The following ZFAND3 variants were observed in gnomAD, a reference collection of about 807,000 sequenced individuals.
ZFAND3 encodes AN1-type zinc finger protein 3.
ZFAND3 carries 10 observed loss-of-function variants against 29.6 expected under a neutral mutation model. That is an observed-to-expected ratio of 0.34 (90% confidence interval 0.21 to 0.57). ZFAND3 has a LOEUF of 0.57. Among genes scored for constraint, ZFAND3 ranks in the 20% least tolerant of loss-of-function variants. The probability of loss-of-function intolerance (pLI) is 0.86; values close to 1 mark genes in which losing one functional copy is unlikely to be tolerated. For missense variants in ZFAND3, 230 were observed against 304.5 expected (o/e 0.76, Z 1.82); for synonymous variants, 128 against 112.6 (o/e 1.14, Z -0.87).
chr6:38,148,784 A>C (rs1193585569), intron 5 of ZFAND3, among the ~76,000 whole-genome samples: 1 of 152,118 alleles, frequency 6.6e-6, no homozygotes, highest in African/African-American at 2.4e-5. Flanking sequence ...CTGACACCAA[A>C]ATGCATTTCA....
At chr6:37,929,048 C>A (rs186337897) in intron 1 of ZFAND3, among the ~76,000 whole-genome samples, 1 of 152,134 alleles carries the variant, frequency 6.6e-6, no homozygotes, top group African/African-American at 2.4e-5. Context: ...TTGAATAATG[C>A]CTTGGCAGAG....
chr6:38,120,008 T>C (rs1765498692), intron 5 of ZFAND3, among the ~76,000 whole-genome samples: 1 of 152,200 alleles, frequency 6.6e-6, no homozygotes, highest in East Asian at 1.9e-4. Context: ...CTGTGAAATC[T>C]TTCAGGGTGC....
At chr6:37,920,359 A>T (rs1761355565) in intron 1 of ZFAND3, among the ~76,000 whole-genome samples, 1 of 148,632 alleles carries the variant, frequency 6.7e-6, no homozygotes, top group Non-Finnish European at 1.5e-5. Context: ...ATATATTTTA[A>T]TTTTTCTTGT....
chr6:38,092,102 C>G (rs1764885048), intron 4 of ZFAND3, among the ~76,000 whole-genome samples: 1 of 152,098 alleles, frequency 6.6e-6, no homozygotes, highest in Non-Finnish European at 1.5e-5. Flanking sequence ...TCCAAGGCAC[C>G]CCCCTCGAGA....
At chr6:37,852,085 A>G (rs1228219083) in intron 1 of ZFAND3, among the ~76,000 whole-genome samples, 2 of 152,184 alleles carry the variant, frequency 1.3e-5, no homozygotes, top group Non-Finnish European at 2.9e-5. Context: ...CTTAGTTTAT[A>G]TTCTAGCTGT....
At chr6:38,031,753 G>T (rs1461660283) in intron 2 of ZFAND3, among the ~76,000 whole-genome samples, 1 of 152,080 alleles carries the variant, frequency 6.6e-6, no homozygotes, top group African/African-American at 2.4e-5. Context: ...GAGTACCCAC[G>T]TAGCCATTTT....
chr6:38,059,837 C>CT (rs1764200445), intron 2 of ZFAND3, among the ~76,000 whole-genome samples: 1 of 152,150 alleles, frequency 6.6e-6, no homozygotes, highest in Non-Finnish European at 1.5e-5. Context: ...GATCATGCCA[C>CT]TGCACTTCAG....
intron 4 of ZFAND3, among the ~76,000 whole-genome samples, chr6:38,096,553 G>A (rs777934686): frequency 5.3e-5 from 8 of 152,156 alleles, no homozygotes; most frequent in African/African-American, 9.7e-5. Flanking sequence ...TTCAAGATGC[G>A]AATACTTGCT....
intron 4 of ZFAND3, among the ~76,000 whole-genome samples, chr6:38,105,616 T>C (rs1765192288): frequency 6.6e-6 from 1 of 152,170 alleles, no homozygotes; most frequent in Admixed American, 6.5e-5. Context: ...CTTGTGGCGA[T>C]GGGAATGTTG....
At chr6:38,049,253 A>C (rs1388555919) in intron 2 of ZFAND3, among the ~76,000 whole-genome samples, 1 of 152,192 alleles carries the variant, frequency 6.6e-6, no homozygotes, top group Non-Finnish European at 1.5e-5. Context: ...CATTAGTCTC[A>C]AGCTAGCAAC....
intron 5 of ZFAND3, among the ~76,000 whole-genome samples, chr6:38,122,394 A>T (rs1765552906): frequency 6.6e-6 from 1 of 152,236 alleles, no homozygotes; most frequent in Non-Finnish European, 1.5e-5. Context: ...CAACCATCAT[A>T]GGCCTAACTA....
intron 1 of ZFAND3, among the ~76,000 whole-genome samples, chr6:37,886,735 C>A (rs1158148465): frequency 6.6e-6 from 1 of 152,130 alleles, no homozygotes; most frequent in Non-Finnish European, 1.5e-5. Flanking sequence ...TGGTTCACGC[C>A]TGTAATCCTG....
At chr6:38,068,485 C>A (rs1217860906) in intron 3 of ZFAND3, among the ~76,000 whole-genome samples, 3 of 152,116 alleles carry the variant, frequency 2.0e-5, no homozygotes, top group Non-Finnish European at 4.4e-5. Context: ...TTACAGAGTT[C>A]TTTGATACAC....
At position 38,066,643 on chromosome 6, in the gene ZFAND3, A is replaced by G. The variant is rs185487164; in HGVS notation, c.295+4868A>G. 1.4e-4 allele frequency among the ~76,000 whole-genome samples: 21 copies of G among 152,324 alleles called. No individual in the cohort carries two copies. The East Asian group carries it at 3.9e-3, about 28-fold the overall frequency. On this transcript the variant is annotated intron_variant, in intron 3 of 5. Transcript: ENST00000287218. ...TTATTATTTTTTTTCCTAATGTACAAGAAAACAGATGTTGCTTAAATCTAC... is the reference window on the plus strand; with the variant it reads ...TTATTATTTTTTTTCCTAATGTACAGGAAAACAGATGTTGCTTAAATCTAC...
intron 4 of ZFAND3, among the ~76,000 whole-genome samples, chr6:38,108,169 T>C (rs1765244445): frequency 6.6e-6 from 1 of 152,184 alleles, no homozygotes; most frequent in Non-Finnish European, 1.5e-5. Flanking sequence ...GAAATGCCCT[T>C]ATTATTAGAT....
intron 1 of ZFAND3, among the ~76,000 whole-genome samples, chr6:37,827,358 A>C (rs1763778953): frequency 6.6e-6 from 1 of 152,220 alleles, no homozygotes; most frequent in African/African-American, 2.4e-5. Context: ...TGGTCTAACA[A>C]TCAGTTTCTT....
At chr6:38,126,525 G>T (rs188020248) in intron 5 of ZFAND3, among the ~76,000 whole-genome samples, 8 of 152,284 alleles carry the variant, frequency 5.3e-5, no homozygotes, top group Admixed American at 5.2e-4. Flanking sequence ...ATGCATTAGG[G>T]TTCCAGTTTC....
intron 3 of ZFAND3, 102 bp downstream of exon 3, chr6:38,061,877 A>C: frequency 7.3e-7 from 1 of 1,370,596 alleles, no homozygotes; most frequent in Non-Finnish European, 9.8e-7. Context: ...ACTTCTTTTA[A>C]TTCAAGATAA....
intron 2 of ZFAND3, among the ~76,000 whole-genome samples, chr6:38,041,644 T>TTCTTCTTCTTCC (rs1561976640): frequency 0.01 from 172 of 16,820 alleles, no homozygotes; most frequent in South Asian, 0.042. Flanking sequence ...CTTCTTCTTC[T>TTCTTCTTCTTCC]TCTTCTTCTT....
Sources: gnomAD v4.1 joint callset for allele counts (sites outside exome capture counted in the v4.1 genomes callset) on GRCh38, gnomAD v4.1.1 for gene constraint, MANE v1.5 for transcripts, NCBI Gene and HGNC (gene_info 2026-07-23, HGNC 2026-07-21) for gene names.